SLCO4A1: variants seen among roughly 807,000 people sequenced by gnomAD.
SLCO4A1 encodes colon organic anion transporter.
A neutral mutation model predicts 64.6 loss-of-function variants in SLCO4A1; 51 were observed. That is an observed-to-expected ratio of 0.79 (90% CI 0.63 to 1.00). The LOEUF (loss-of-function observed/expected upper bound fraction) is 1.00. Ranked by LOEUF, SLCO4A1 falls within the 50% of genes least tolerant of loss-of-function variation. The pLI, the probability that SLCO4A1 is intolerant of heterozygous loss-of-function variation, is 0.00. For synonymous variants in SLCO4A1, 471 were observed against 444.9 expected (o/e 1.06, Z -0.74); for missense variants, 919 against 980.5 (o/e 0.94, Z 0.84).
rs375901110 is a variant in SLCO4A1 at position 62,656,748 on chromosome 20, C to T, written c.294C>T (p.Val98=). The T allele has an allele frequency of 2.3e-4, 366 of 1,612,310 alleles. No individual in the cohort carries two copies. The highest frequency in any genetic ancestry group is 3.0e-4 in the Non-Finnish European group (352 of 1,179,718). ...CCTTCGCACCGCCGTGCCTGCAGGT[C>T]CTCAACACGCCCAAGGGCATCCTGT... is the stretch of plus-strand genomic sequence containing the variant. The part of the protein sequence containing the change: ...WWAFAPPCLQ[V]LNTPKGILFF... The change falls in exon 2 of 12, where the codon GTC becomes GTT. Residue 98 remains valine, a synonymous_variant. Coordinates refer to ENST00000217159, the MANE Select transcript of SLCO4A1 (RefSeq NM_016354.4).
rs6011483 is a variant in SLCO4A1 at position 62,661,679 on chromosome 20, C to G, written c.1121+504C>G. ...GCTGCCCCCCCATCTCCCTCCCTCCCTCAGAGTCTCTGAGGACCTCCCCCC... is the reference window on the plus strand; with the variant it reads ...GCTGCCCCCCCATCTCCCTCCCTCCGTCAGAGTCTCTGAGGACCTCCCCCC... On this transcript the variant is annotated intron_variant, in intron 5 of 11. Coordinates refer to ENST00000217159, the MANE Select transcript of SLCO4A1 (RefSeq NM_016354.4). This position sits in a 1 kb window ranked among gnomAD's most constrained non-coding sequence, Gnocchi z 5.2. Among the ~76,000 whole-genome samples, 243 of 151,658 alleles carry G rather than the reference C, an allele frequency of 1.6e-3. No individual in the cohort carries two copies. The highest frequency in any genetic ancestry group is 0.01 in the Middle Eastern group (3 of 294).
intron 2 of SLCO4A1, among the ~76,000 whole-genome samples, chr20:62,680,584 T>A (rs199704790): frequency 2.2e-5 from 3 of 138,144 alleles, no homozygotes; most frequent in African/African-American, 5.5e-5. Flanking sequence ...TTTTTTTTTT[T>A]AACCATAAAT....
At chr20:62,665,238 A>C in intron 6 of SLCO4A1, 150 bp downstream of exon 6, 4 of 809,866 alleles carry the variant, frequency 4.9e-6, no homozygotes, top group Non-Finnish European at 7.6e-6. Context: ...GGAGAGCGCC[A>C]CGGGGGCTGA....
downstream of SLCO4A1, chr20:62,685,890 G>T: frequency 6.6e-6 from 1 of 152,336 alleles, no homozygotes; most frequent in Non-Finnish European, 1.5e-5. The surrounding 1 kb of genome is among the most constrained non-coding windows in gnomAD (Gnocchi z 4.6). Flanking sequence ...CACAGGGCTG[G>T]TAAACAGGTA....
intron 2 of SLCO4A1, among the ~76,000 whole-genome samples, chr20:62,684,633 G>A (rs1987985409): frequency 6.6e-6 from 1 of 152,160 alleles, no homozygotes; most frequent in South Asian, 2.1e-4. Context: ...GGACTGGGCT[G>A]TCATTTAAGT....
At chr20:62,647,654 G>C (rs1359042276) in intron 1 of SLCO4A1, among the ~76,000 whole-genome samples, 2 of 152,282 alleles carry the variant, frequency 1.3e-5, no homozygotes, top group Admixed American at 1.3e-4. Flanking sequence ...GCACTGCGCT[G>C]AGAGCGCTTT....
chr20:62,657,815 C>G (rs1435570184), intron 2 of SLCO4A1, among the ~76,000 whole-genome samples: 1 of 152,200 alleles, frequency 6.6e-6, no homozygotes, highest in African/African-American at 2.4e-5. Context: ...TGGAAAAGAC[C>G]GAGCAAATCT....
At chr20:62,650,521 A>T (rs3843758) in intron 1 of SLCO4A1, 67,346 of 152,272 alleles carry the variant, frequency 0.44, 15,558 homozygotes, top group African/African-American at 0.58. Context: ...TCATTACTCC[A>T]GTCTCCATTA....
Position 62,656,921 on chromosome 20 carries a change from G to T in SLCO4A1, c.467G>T (p.Cys156Phe). 39 of 1,567,124 alleles carry T rather than the reference G, an allele frequency of 2.5e-5. No homozygotes were observed. Among genetic ancestry groups the T allele is most frequent in the Non-Finnish European group, 3.3e-5 (38 of 1,150,868 alleles). The change falls in exon 2 of 12, where the codon TGC becomes TTC. Residue 156 changes from cysteine (C) to phenylalanine (F), a missense_variant. By Grantham distance (205) the Cys-to-Phe change is radical (BLOSUM62 -2). Coordinates refer to ENST00000217159, the MANE Select transcript of SLCO4A1 (RefSeq NM_016354.4). ...TCCTACGACATTGCCGCCTGCCTCT[G>T]CCTCACCTTCGTCAGCTACTTCGGG... Reference protein sequence around the residue: ...ASSYDIAACLCLTFVSYFGGS... With the variant: ...ASSYDIAACLFLTFVSYFGGS...
chr20:62,681,469 C>CAT (rs1555920553), intron 2 of SLCO4A1, among the ~76,000 whole-genome samples: 1 of 145,980 alleles, frequency 6.9e-6, no homozygotes, highest in East Asian at 2.0e-4. Context: ...TGTACACACT[C>CAT]GTGTGTGTGT....
At chr20:62,687,725 G>A (rs148966653), downstream of SLCO4A1, among the ~76,000 whole-genome samples, 75 of 152,294 alleles carry the variant, frequency 4.9e-4, 1 homozygote, top group East Asian at 7.7e-3. Context: ...TCCTGGACAC[G>A]GAAGGACGAC....
chr20:62,660,157 A>T (rs184317355), intron 3 of SLCO4A1, among the ~76,000 whole-genome samples: 1 of 152,262 alleles, frequency 6.6e-6, no homozygotes, highest in Non-Finnish European at 1.5e-5. Context: ...CACAGGTGGC[A>T]TCTCCAGCCC....
intron 1 of SLCO4A1, among the ~76,000 whole-genome samples, chr20:62,643,602 G>T (rs1980798226): frequency 6.6e-6 from 1 of 152,242 alleles, no homozygotes; most frequent in South Asian, 2.1e-4. Flanking sequence ...CTTGTCAGCT[G>T]CTGCTCCTCA....
Position 62,656,385 on chromosome 20 carries a change from T to TGGCCACTCCCGCTGA in SLCO4A1, c.-59_-45dup. 1.6e-5 allele frequency: 21 copies of TGGCCACTCCCGCTGA among 1,349,568 alleles called. No individual in the cohort carries two copies. The highest frequency in any genetic ancestry group is 2.1e-5 in the Non-Finnish European group (21 of 1,018,518). The allele number at this position is 1,349,568 out of a possible 1,614,324, so 83.6% of individuals were successfully genotyped here. ...ACACACCAGCCCCTCGGATACCACT[T>TGGCCACTCCCGCTGA]GGCCACTCCCGCTGAGGCCACTCCC... On this transcript the variant is annotated 5_prime_UTR_variant, in exon 2 of 12. Transcript: ENST00000217159.
At chr20:62,672,525 G>T (rs1987352248), downstream of SLCO4A1, 1 of 157,064 alleles carries the variant, frequency 6.4e-6, no homozygotes, top group Non-Finnish European at 1.4e-5. Flanking sequence ...GAACTGGAGG[G>T]TACGGAGGGC....
intron 5 of SLCO4A1, among the ~76,000 whole-genome samples, chr20:62,662,801 C>T (rs1186140676): frequency 3.1e-5 from 4 of 130,958 alleles, no homozygotes; most frequent in South Asian, 2.6e-4. Flanking sequence ...TCACACCACA[C>T]GCCAGAACCC....
At chr20:62,658,582 G>C in intron 2 of SLCO4A1, 95 bp from the exon 3 acceptor site, 1 of 912,738 alleles carries the variant, frequency 1.1e-6, no homozygotes, top group South Asian at 1.6e-5. Flanking sequence ...GCAGAATGGC[G>C]GGTGCGGGGC....
chr20:62,647,585 C>G (rs796111585), intron 1 of SLCO4A1, among the ~76,000 whole-genome samples: 61 of 152,390 alleles, frequency 4.0e-4, no homozygotes, highest in African/African-American at 1.4e-3. Flanking sequence ...TCAGCCAGGC[C>G]AGGCCCAGGG....
At chr20:62,647,434 G>C (rs879406397) in intron 1 of SLCO4A1, among the ~76,000 whole-genome samples, 9 of 152,166 alleles carry the variant, frequency 5.9e-5, no homozygotes, top group Non-Finnish European at 1.3e-4. Context: ...AAGGAGAACT[G>C]AGACCCTATG....
Sources: allele counts gnomAD v4.1 joint callset (sites outside exome capture counted in the v4.1 genomes callset), GRCh38; gene constraint gnomAD v4.1.1; non-coding constraint Gnocchi (gnomAD v3.1); transcripts MANE v1.5; gene names NCBI Gene and HGNC (gene_info 2026-07-23, HGNC 2026-07-21).